The following RNF169 variants were observed in gnomAD, a reference collection of about 807,000 sequenced individuals.
RNF169 encodes E3 ubiquitin-protein ligase RNF169.
A neutral mutation model predicts 53.9 loss-of-function variants in RNF169; 24 were observed. The observed-to-expected ratio is 0.45, with a 90% CI of 0.32 to 0.63. The LOEUF (loss-of-function observed/expected upper bound fraction) is 0.63, where lower values mean the gene tolerates loss of function less well. Ranked by LOEUF, RNF169 falls within the 20% of genes least tolerant of loss-of-function variation. RNF169 has a pLI of 0.04. For synonymous variants in RNF169, 396 were observed against 363.5 expected (o/e 1.09, Z -1.02); for missense variants, 883 against 906.2 (o/e 0.97, Z 0.33).
intron 2 of RNF169, among the ~76,000 whole-genome samples, chr11:74,793,013 TATGGCATATCCATACAATGGC>T (rs1430775794): frequency 6.6e-6 from 1 of 152,188 alleles, no homozygotes; most frequent in Non-Finnish European, 1.5e-5. Flanking sequence ...AAGGCACTAG[TATGGCATATCCATACAATGGC>T]ATACTATTCA....
intron 3 of RNF169, among the ~76,000 whole-genome samples, chr11:74,810,655 T>G: frequency 6.6e-6 from 1 of 152,242 alleles, no homozygotes; most frequent in South Asian, 2.1e-4. Flanking sequence ...ATTTAAGATT[T>G]GTACATTGTC....
At chr11:74,812,417 C>A (rs1002616985) in intron 3 of RNF169, among the ~76,000 whole-genome samples, 1 of 152,104 alleles carries the variant, frequency 6.6e-6, no homozygotes, top group Admixed American at 6.5e-5. Context: ...TCCTCAGCCT[C>A]CCAAGTAGGT....
Position 74,837,356 on chromosome 11 carries a change from A to G in RNF169, c.*626A>G, listed in dbSNP as rs894585862. 6.6e-6 allele frequency: 1 copy of G among 152,286 alleles called. No homozygotes were observed. The highest frequency in any genetic ancestry group is 2.4e-5 in the African/African-American group (1 of 41,458). The allele number at this position is 152,286 out of a possible 1,614,324, so 9.4% of individuals were successfully genotyped here. On this transcript the variant is annotated 3_prime_UTR_variant, in exon 6 of 6. Transcript: ENST00000299563. ...ATTTAGTCTTTCCAAGAGACCTCTC[A>G]TGTAACTGGCATTAGCCCCATTTTT...
intron 4 of RNF169, among the ~76,000 whole-genome samples, chr11:74,824,743 G>A (rs2036067972): frequency 6.6e-6 from 1 of 152,210 alleles, no homozygotes; most frequent in Admixed American, 6.5e-5. Flanking sequence ...GCTTGATACA[G>A]GGTTGCCATG....
chr11:74,779,606 G>A (rs1230805388), intron 1 of RNF169, among the ~76,000 whole-genome samples: 1 of 151,734 alleles, frequency 6.6e-6, no homozygotes, highest in Non-Finnish European at 1.5e-5. Context: ...ACTTTAGTTT[G>A]GTTTTATTTT....
intron 2 of RNF169, among the ~76,000 whole-genome samples, chr11:74,799,053 CAAAAAA>C (rs1375240350): frequency 9.1e-6 from 1 of 110,122 alleles, no homozygotes; most frequent in Non-Finnish European, 1.8e-5. Flanking sequence ...GACCCCGTCT[CAAAAAA>C]AGAAAAAAAA....
chr11:74,833,738 G>A (rs768057806), intron 4 of RNF169, among the ~76,000 whole-genome samples: 75 of 152,174 alleles, frequency 4.9e-4, no homozygotes, highest in Non-Finnish European at 1.0e-3. Flanking sequence ...ATTTAGGCAA[G>A]AGTTGAGGAA....
At chr11:74,761,784 G>A (rs2035087310) in intron 1 of RNF169, among the ~76,000 whole-genome samples, 1 of 148,194 alleles carries the variant, frequency 6.7e-6, no homozygotes, top group East Asian at 2.0e-4. Context: ...TATGTGTCTT[G>A]GAGTTGCTCT....
intron 4 of RNF169, among the ~76,000 whole-genome samples, chr11:74,824,641 A>G (rs1334569188): frequency 6.6e-6 from 1 of 152,270 alleles, no homozygotes; most frequent in Non-Finnish European, 1.5e-5. Context: ...AATAATCATG[A>G]AAAAGTTTGA....
intron 4 of RNF169, among the ~76,000 whole-genome samples, chr11:74,823,738 GAAAAAA>G (rs35164191): frequency 9.5e-6 from 1 of 105,774 alleles, no homozygotes; most frequent in Non-Finnish European, 2.0e-5. Flanking sequence ...CCCTGTCTCA[GAAAAAA>G]AAAAAAAAAA....
chr11:74,836,411 A>G lies in RNF169; in HGVS notation c.1808A>G (p.Asn603Ser), dbSNP rs769266441. 3.7e-6 allele frequency: 6 copies of G among 1,614,222 alleles called. No homozygotes were observed. The highest frequency in any genetic ancestry group is 1.7e-5 in the Admixed American group (1 of 60,034). Residue 603 changes from asparagine (N) to serine (S), a missense_variant, in exon 6 of 6, where the codon AAT becomes AGT. Physicochemically the swap from Asn to Ser is conservative, Grantham distance 46 (BLOSUM62 1). Transcript: ENST00000299563. ...ACATTAAATCATTTTGATCTGACTAATGGTGTTCTAGTTGAGAGCCTAAGT... is the reference window on the plus strand; with the variant it reads ...ACATTAAATCATTTTGATCTGACTAGTGGTGTTCTAGTTGAGAGCCTAAGT... The part of the protein sequence containing the change: ...LKTLNHFDLT[N>S]GVLVESLSEE...
intron 1 of RNF169, among the ~76,000 whole-genome samples, chr11:74,788,546 C>T (rs889711572): frequency 1.5e-4 from 23 of 152,084 alleles, no homozygotes; most frequent in African/African-American, 5.3e-4. Flanking sequence ...GTGCCCACCA[C>T]CACACCCAGC....
intron 1 of RNF169, among the ~76,000 whole-genome samples, chr11:74,753,237 G>A (rs1456422778): frequency 2.6e-5 from 4 of 152,114 alleles, no homozygotes; most frequent in African/African-American, 4.8e-5. Context: ...CAAAGTGCTG[G>A]GATTACAGGC....
At chr11:74,749,750 T>C (rs542714427) in intron 1 of RNF169, among the ~76,000 whole-genome samples, 2 of 152,180 alleles carry the variant, frequency 1.3e-5, no homozygotes, top group African/African-American at 4.8e-5. Context: ...GGGGGTCATA[T>C]TGCTTGGAGA....
intron 2 of RNF169, among the ~76,000 whole-genome samples, chr11:74,800,932 G>T (rs1314128585): frequency 1.3e-5 from 2 of 152,148 alleles, no homozygotes; most frequent in Non-Finnish European, 2.9e-5. Context: ...AAACTTGGAT[G>T]CCTGCAATTC....
intron 2 of RNF169, among the ~76,000 whole-genome samples, chr11:74,802,657 C>A (rs531197646): frequency 3.3e-5 from 5 of 151,944 alleles, no homozygotes; most frequent in African/African-American, 1.2e-4. Flanking sequence ...GAAAATCAGT[C>A]CAATCTTACT....
At chr11:74,829,366 A>G (rs1369837024) in intron 4 of RNF169, among the ~76,000 whole-genome samples, 1 of 152,220 alleles carries the variant, frequency 6.6e-6, no homozygotes, top group Non-Finnish European at 1.5e-5. Flanking sequence ...GGTTGTGGAG[A>G]AAAAGGAACA....
intron 3 of RNF169, among the ~76,000 whole-genome samples, chr11:74,813,685 A>T (rs181645957): frequency 6.6e-6 from 1 of 152,292 alleles, no homozygotes; most frequent in Non-Finnish European, 1.5e-5. Context: ...GTAACCTAGT[A>T]TACATACTGT....
chr11:74,773,131 G>C (rs868526505), intron 1 of RNF169, among the ~76,000 whole-genome samples: 1 of 152,200 alleles, frequency 6.6e-6, no homozygotes, highest in African/African-American at 2.4e-5. Flanking sequence ...GATTTGTCCT[G>C]AAATGCCGAG....
Sources: gnomAD v4.1 joint callset for allele counts (sites outside exome capture counted in the v4.1 genomes callset) on GRCh38, gnomAD v4.1.1 for gene constraint, MANE v1.5 for transcripts, NCBI Gene and HGNC (gene_info 2026-07-23, HGNC 2026-07-21) for gene names.